Variants in NFAT5 observed in about 807,000 individuals in gnomAD.
The protein encoded by NFAT5 is nuclear factor of activated T cells 5.
In NFAT5, 31 loss-of-function variants were observed where a neutral mutation model predicts 166.5. That is an observed-to-expected ratio of 0.19 (90% CI 0.14 to 0.25). The LOEUF is 0.25. NFAT5 is among the 10% of genes least tolerant of loss of function. The probability of loss-of-function intolerance (pLI) is 1.00; values close to 1 mark genes in which losing one functional copy is unlikely to be tolerated. For synonymous variants in NFAT5, 612 were observed against 639.7 expected, an observed-to-expected ratio of 0.96 and a Z score of 0.65; for missense variants, 1,449 against 1,821.8, an observed-to-expected ratio of 0.80 and a Z score of 3.72.
Position 69,622,881 on chromosome 16 carries a change from C to CA in NFAT5, c.128-3521dup, listed in dbSNP as rs368488884. ...AGACTCGAGGCTGGGTGTGGTGGCT[C>CA]ACGCCTGTAATCCCAGCACTTTGGG... is the stretch of plus-strand genomic sequence containing the variant. On this transcript the variant is annotated intron_variant, in intron 2 of 14. Coordinates refer to ENST00000349945, the MANE Select transcript of NFAT5 (RefSeq NM_138713.4). Among the ~76,000 whole-genome samples, 399 of 151,246 alleles carry CA rather than the reference C, an allele frequency of 2.6e-3. 3 individuals are homozygous for CA. Among genetic ancestry groups the CA allele is most frequent in the African/African-American group, 9.2e-3 (380 of 41,232 alleles).
chr16:69,643,892 T>C (rs528730604), intron 3 of NFAT5, among the ~76,000 whole-genome samples: 68 of 152,340 alleles, frequency 4.5e-4, no homozygotes, highest in African/African-American at 1.5e-3. Context: ...ATGGCATTAT[T>C]AATTAATGCA....
chr16:69,610,743 A>G (rs2033668366), intron 2 of NFAT5, among the ~76,000 whole-genome samples: 1 of 152,210 alleles, frequency 6.6e-6, no homozygotes, highest in Non-Finnish European at 1.5e-5. Flanking sequence ...TACCTCTAAA[A>G]TTCTTGCTTT....
chr16:69,645,096 T>A (rs2035381170), intron 3 of NFAT5, among the ~76,000 whole-genome samples: 1 of 152,216 alleles, frequency 6.6e-6, no homozygotes, highest in Admixed American at 6.5e-5. Context: ...AATTCTGTAG[T>A]ATTTTTCAAA....
At chr16:69,595,016 C>T (rs1229852159) in intron 2 of NFAT5, among the ~76,000 whole-genome samples, 1 of 152,144 alleles carries the variant, frequency 6.6e-6, no homozygotes, top group Admixed American at 6.6e-5. Flanking sequence ...GTTGTGCTGG[C>T]AGCTGATTAG....
intron 4 of NFAT5, chr16:69,648,787 T>G (rs1291815512): frequency 1.0e-6 from 1 of 959,934 alleles, no homozygotes; most frequent in Non-Finnish European, 1.2e-6. Flanking sequence ...TCAAGAAGCT[T>G]TAGATTGATT....
At chr16:69,675,986 G>C (rs980609095) in intron 9 of NFAT5, among the ~76,000 whole-genome samples, 3 of 152,112 alleles carry the variant, frequency 2.0e-5, no homozygotes, top group Non-Finnish European at 4.4e-5. Flanking sequence ...AGTGTTTTAA[G>C]ATGGCTCAGA....
intron 9 of NFAT5, among the ~76,000 whole-genome samples, chr16:69,673,612 A>G (rs1038137340): frequency 2.0e-5 from 3 of 152,116 alleles, no homozygotes; most frequent in Non-Finnish European, 2.9e-5. Flanking sequence ...AGTTCCAGCT[A>G]CTTGGGAGGC....
chr16:69,632,359 T>C (rs1208600828), intron 3 of NFAT5: 1 of 152,176 alleles, frequency 6.6e-6, no homozygotes. Flanking sequence ...CTCTTTTTTC[T>C]TTTACCTAGT....
rs2142880149 is a variant in NFAT5, at chr16:69,566,428, G to GA, written c.73+55dup. The GA allele has an allele frequency of 7.1e-7, 1 of 1,409,942 alleles. No homozygotes were observed. The highest frequency in any genetic ancestry group is 1.4e-5 in the African/African-American group (1 of 71,270). 87.3% of individuals were successfully genotyped at this position (1,409,942 alleles called of 1,614,324 possible). A position where few individuals can be genotyped will look rare whatever the true frequency, so the allele number is the denominator to read the frequency against. On this transcript the variant is annotated intron_variant, in intron 1 of 14. Transcript: ENST00000349945. This position sits in a 1 kb window ranked among gnomAD's most constrained non-coding sequence, Gnocchi z 5.7. ...GGGGGCGGGGAGACAGGGAGACAGGGAGACAGGGCCAGGGGAGGCGAGGGG... is the reference window on the plus strand; with the variant it reads ...GGGGGCGGGGAGACAGGGAGACAGGGAAGACAGGGCCAGGGGAGGCGAGGGG...
At chr16:69,682,438 C>G (rs931263388) in intron 10 of NFAT5, among the ~76,000 whole-genome samples, 15 of 150,880 alleles carry the variant, frequency 9.9e-5, no homozygotes, top group Admixed American at 3.3e-4. Context: ...TGAGACCCCC[C>G]CCCCCGCCAT....
intron 3 of NFAT5, among the ~76,000 whole-genome samples, chr16:69,634,051 G>A (rs951759608): frequency 3.3e-5 from 5 of 152,000 alleles, no homozygotes; most frequent in Admixed American, 6.6e-5. Flanking sequence ...GCCGAGGCGG[G>A]CAGATCACTT....
chr16:69,683,432 T>G (rs1228127723), intron 10 of NFAT5, among the ~76,000 whole-genome samples: 2 of 151,594 alleles, frequency 1.3e-5, no homozygotes, highest in Non-Finnish European at 2.9e-5. Context: ...CTCAGGAGGC[T>G]GAGGTGGGTG....
rs951615386 is a variant in NFAT5, at chr16:69,697,390, T to C, written c.*1039T>C. On this transcript the variant is annotated 3_prime_UTR_variant, in exon 15 of 15. Coordinates refer to ENST00000349945, the MANE Select transcript of NFAT5 (RefSeq NM_138713.4). ...TGATTCCTGAGAAACAACACATTTT[T>C]CCCCATGAACGGTGCTGTTCTGAAG... 7 of 152,100 alleles carry C rather than the reference T, an allele frequency of 4.6e-5. No individual in the cohort carries two copies. Among genetic ancestry groups the C allele is most frequent in the Non-Finnish European group, 7.4e-5 (5 of 68,014 alleles). 9.4% of individuals were successfully genotyped at this position (152,100 alleles called of 1,614,324 possible).
intron 4 of NFAT5, 71 bp from the exon 5 acceptor site, chr16:69,653,165 C>A: frequency 9.1e-7 from 1 of 1,099,460 alleles, no homozygotes; most frequent in Non-Finnish European, 1.3e-6. Flanking sequence ...CTTCCTTTGT[C>A]TTAATGGCTT....
chr16:69,641,426 G>A (rs2151610360), intron 3 of NFAT5, among the ~76,000 whole-genome samples: 1 of 149,880 alleles, frequency 6.7e-6, no homozygotes, highest in Non-Finnish European at 1.5e-5. Context: ...TTTTAAACTA[G>A]CTTTTTTAGA....
At position 69,692,166 on chromosome 16, in the gene NFAT5, C is replaced by T. The variant is rs535022014; in HGVS notation, c.2341C>T (p.Pro781Ser). 2 of 1,614,194 alleles carry T rather than the reference C, an allele frequency of 1.2e-6. No individual in the cohort carries two copies. The highest frequency in any genetic ancestry group is 4.5e-5 in the East Asian group (2 of 44,888). Residue 781 changes from proline to serine, a missense_variant, in exon 13 of 15, where the codon CCA (proline) becomes TCA (serine). Coordinates refer to ENST00000349945, the MANE Select transcript of NFAT5 (RefSeq NM_138713.4). ...GCAGCAGATTTCATCAAATATTTTT[C>T]CATCACCAAATAGTGTGAGTCAGCT... The part of the protein sequence containing the change: ...LQQQISSNIF[P>S]SPNSVSQLQN...
At chr16:69,572,370 A>T (rs1161291596) in intron 2 of NFAT5, among the ~76,000 whole-genome samples, 1 of 152,202 alleles carries the variant, frequency 6.6e-6, no homozygotes, top group East Asian at 1.9e-4. Context: ...ATCCTGAACA[A>T]AAGTATACAT....
At chr16:69,690,193 G>A (rs1316709557) in intron 11 of NFAT5, among the ~76,000 whole-genome samples, 3 of 152,142 alleles carry the variant, frequency 2.0e-5, no homozygotes, top group African/African-American at 4.8e-5. Flanking sequence ...CTTGCTATAT[G>A]TTGCCTCTAG....
intron 2 of NFAT5, among the ~76,000 whole-genome samples, chr16:69,585,305 A>C (rs146045383): frequency 0.012 from 1,757 of 151,236 alleles, 26 homozygotes; most frequent in African/African-American, 0.038. Context: ...CACGGCGCCC[A>C]GCCCAATTTT....
Sources: gnomAD v4.1 joint callset for allele counts (sites outside exome capture counted in the v4.1 genomes callset) on GRCh38, gnomAD v4.1.1 for gene constraint, Gnocchi (gnomAD v3.1) non-coding constraint, MANE v1.5 for transcripts, NCBI Gene and HGNC (gene_info 2026-07-23, HGNC 2026-07-21) for gene names.